The following CNOT1 variants were observed in gnomAD, a reference collection of about 807,000 sequenced individuals.
The protein encoded by CNOT1 is CCR4-associated factor 1.
In CNOT1, 15 loss-of-function variants were observed where a neutral mutation model predicts 273.8. The observed-to-expected ratio is 0.05, with a 90% CI of 0.04 to 0.08. CNOT1 has a LOEUF of 0.08. Ranked by LOEUF, CNOT1 falls within the 10% of genes least tolerant of loss-of-function variation. The pLI is 1.00. For synonymous variants in CNOT1, 1,022 were observed against 1,005.5 expected (o/e 1.02, Z -0.31); for missense variants, 1,644 against 2,912.2 (o/e 0.56, Z 10.02).
intron 16 of CNOT1, among the ~76,000 whole-genome samples, chr16:58,560,973 C>T (rs1056634067): frequency 3.3e-5 from 5 of 151,964 alleles, no homozygotes; most frequent in African/African-American, 9.7e-5. Context: ...TGCAGTGAGC[C>T]GAGATCGCGC....
intron 19 of CNOT1, 64 bp from the exon 20 acceptor site, chr16:58,555,972 C>A: frequency 6.3e-7 from 1 of 1,590,344 alleles, no homozygotes; most frequent in Non-Finnish European, 8.5e-7. Context: ...CCATAAAACA[C>A]AGCCAGCCAG....
chr16:58,608,553 C>CA (rs11397997), intron 1 of CNOT1, among the ~76,000 whole-genome samples: 94,707 of 129,630 alleles, frequency 0.73, 33,702 homozygotes, highest in Middle Eastern at 0.84. Flanking sequence ...GACTCTGTCT[C>CA]AAAAAAAAAA....
intron 16 of CNOT1, among the ~76,000 whole-genome samples, chr16:58,568,710 A>AG (rs968039333): frequency 6.6e-6 from 1 of 152,052 alleles, no homozygotes; most frequent in Non-Finnish European, 1.5e-5. Flanking sequence ...AAAAAAAAAA[A>AG]CTTTGGAAGT....
rs574545661 is a variant in CNOT1, at chr16:58,560,467, C to T, written c.1980-105G>A. 3 of 1,473,950 alleles carry T rather than the reference C, an allele frequency of 2.0e-6. No homozygotes were observed. In the African/African-American group the frequency reaches 4.3e-5, roughly 21 times the overall value. 91.3% of individuals were successfully genotyped at this position (1,473,950 alleles called of 1,614,324 possible). The stretch of plus-strand genomic sequence containing the variant: ...TTTTTTTTTAAGATGGAGTCTCACT[C>T]TGTCACCCAGACTGGAGTGCAGTAG... On this transcript the variant is annotated intron_variant, in intron 16 of 48. Coordinates refer to ENST00000317147, the MANE Select transcript of CNOT1 (RefSeq NM_016284.5).
Position 58,520,985 on chromosome 16 carries a change from T to C in CNOT1, c.7104A>G (p.Gln2368=). 1 of 1,614,032 alleles carries C rather than the reference T, an allele frequency of 6.2e-7. No individual in the cohort carries two copies. The highest frequency in any genetic ancestry group is 1.1e-5 in the South Asian group (1 of 91,086). Residue 2368 remains glutamine, a synonymous_variant, in exon 49 of 49, where the codon CAA becomes CAG. Transcript: ENST00000317147. ...AACTGGCACCTGTCCCTTCCATTAC[T>C]TGCTGGGCCTGCTTCTGTCCCATGC... ...QCCMGQKQAQ[Q]VMEGTGAS is the part of the protein sequence containing the mutation.
chr16:58,580,884 T>A, intron 11 of CNOT1, 124 bp from the exon 12 acceptor site: 1 of 974,130 alleles, frequency 1.0e-6, no homozygotes, highest in Non-Finnish European at 1.4e-6. Flanking sequence ...TTTAAAATCT[T>A]AATTATTTGC....
chr16:58,599,420 T>C lies in CNOT1; in HGVS notation c.-83A>G. 1 of 1,553,206 alleles carries C rather than the reference T, an allele frequency of 6.4e-7. No individual in the cohort carries two copies. The highest frequency in any genetic ancestry group is 8.8e-7 in the Non-Finnish European group (1 of 1,133,942). Reference sequence around the variant, plus strand: ...TTTAGTCACCTCAGAGGCAGGTTAATGCTTTCTTTGTAATTAGGCTATATC... The same window carrying C: ...TTTAGTCACCTCAGAGGCAGGTTAACGCTTTCTTTGTAATTAGGCTATATC... On this transcript the variant is annotated 5_prime_UTR_variant, in exon 2 of 49. Coordinates refer to ENST00000317147, the MANE Select transcript of CNOT1 (RefSeq NM_016284.5).
At chr16:58,628,569 A>G (rs1004835436) in intron 1 of CNOT1, among the ~76,000 whole-genome samples, 1 of 151,114 alleles carries the variant, frequency 6.6e-6, no homozygotes, top group African/African-American at 2.4e-5. Context: ...TGTTTCAAAC[A>G]GTATAATTAT....
At chr16:58,598,270 T>C (rs375304617) in intron 2 of CNOT1, among the ~76,000 whole-genome samples, 5 of 152,014 alleles carry the variant, frequency 3.3e-5, no homozygotes, top group Admixed American at 6.6e-5. Flanking sequence ...TGATGGTGTG[T>C]GCCTATAATC....
At chr16:58,591,809 G>C (rs1567430054) in intron 2 of CNOT1, among the ~76,000 whole-genome samples, 1 of 151,578 alleles carries the variant, frequency 6.6e-6, no homozygotes, top group Non-Finnish European at 1.5e-5. Flanking sequence ...TGGCACATAG[G>C]TTTGATACAC....
rs993976664 is a variant in CNOT1, at chr16:58,549,708, C to T, written c.3522+11G>A. ...GCAATAATTAAAGGAAATATAAGAA[C>T]CAACTCTTACTTTAATGTTTCTGTA... is the stretch of plus-strand genomic sequence containing the variant. On this transcript the variant is annotated intron_variant, in intron 25 of 48. Coordinates refer to ENST00000317147, the MANE Select transcript of CNOT1 (RefSeq NM_016284.5). 2 of 1,585,750 alleles carry T rather than the reference C, an allele frequency of 1.3e-6. No homozygotes were observed. Among genetic ancestry groups the T allele is most frequent in the Non-Finnish European group, 1.7e-6 (2 of 1,170,930 alleles).
At position 58,610,280 on chromosome 16, in the gene CNOT1, A is replaced by G. The variant is rs2042848482; in HGVS notation, c.-174-10769T>C. On this transcript the variant is annotated intron_variant, in intron 1 of 48. Coordinates refer to ENST00000317147, the MANE Select transcript of CNOT1 (RefSeq NM_016284.5). ...TAAAAATACAAAAAACTAGCCAGGC[A>G]TGGTGGTAGACACCTGTAATCCCAG... Among the ~76,000 whole-genome samples the G allele has an allele frequency of 5.9e-5, 9 of 152,320 alleles. No individual in the cohort carries two copies. The South Asian group carries it at 1.9e-3, about 32-fold the overall frequency.
chr16:58,524,625 T>C (rs1370930434), intron 46 of CNOT1, among the ~76,000 whole-genome samples: 2 of 152,108 alleles, frequency 1.3e-5, no homozygotes, highest in African/African-American at 4.8e-5. Context: ...AATATATGTA[T>C]GCAAAACTGG....
At chr16:58,626,798 G>A (rs1216312233) in intron 1 of CNOT1, among the ~76,000 whole-genome samples, 1 of 151,778 alleles carries the variant, frequency 6.6e-6, no homozygotes, top group Non-Finnish European at 1.5e-5. Flanking sequence ...GTTAATGTGG[G>A]ACAAAATACT....
chr16:58,555,972 C>G, intron 19 of CNOT1, 64 bp from the exon 20 acceptor site: 1 of 1,590,346 alleles, frequency 6.3e-7, no homozygotes, highest in Non-Finnish European at 8.5e-7. Flanking sequence ...CCATAAAACA[C>G]AGCCAGCCAG....
Position 58,543,234 on chromosome 16 carries a change from A to C in CNOT1, c.4434+373T>G, listed in dbSNP as rs28307. The C allele has an allele frequency of 0.26, 398,707 of 1,536,746 alleles. 54,071 individuals are homozygous for C. Among genetic ancestry groups the C allele is most frequent in the Admixed American group, 0.4 (20,293 of 50,364 alleles). ...AGTGAATTATTTGAAAAGTGTGTGC[A>C]CATGCAACATCACTTTAAGTCATTT... On this transcript the variant is annotated intron_variant, in intron 31 of 48. Transcript: ENST00000317147.
chr16:58,553,913 A>G, intron 21 of CNOT1, 53 bp from the exon 22 acceptor site: 1 of 1,542,468 alleles, frequency 6.5e-7, no homozygotes, highest in Non-Finnish European at 8.7e-7. Context: ...AAGCATCACT[A>G]ACAAAATGTT....
chr16:58,582,540 C>T (rs756175973), intron 10 of CNOT1, among the ~76,000 whole-genome samples: 1 of 152,110 alleles, frequency 6.6e-6, no homozygotes, highest in Non-Finnish European at 1.5e-5. Context: ...GTAGAAGTGG[C>T]AAGATAATTA....
At position 58,543,597 on chromosome 16, in the gene CNOT1, G is replaced by GCCATACCTATACCAAGGAAATA. The variant is rs747465273; in HGVS notation, c.4434+9_4434+10insTATTTCCTTGGTATAGGTATGG. The stretch of plus-strand genomic sequence containing the variant: ...GTTTTGTACCTATACCAAGGAAATA[G>GCCATACCTATACCAAGGAAATA]CCAACTTACACGAAGGGCTGAGGCA... On this transcript the variant is annotated intron_variant, in intron 31 of 48. Coordinates refer to ENST00000317147, the MANE Select transcript of CNOT1 (RefSeq NM_016284.5). The GCCATACCTATACCAAGGAAATA allele has an allele frequency of 1.2e-6, 2 of 1,614,012 alleles. No individual in the cohort carries two copies. Among genetic ancestry groups the GCCATACCTATACCAAGGAAATA allele is most frequent in the Non-Finnish European group, 1.7e-6 (2 of 1,180,022 alleles).
Sources: allele counts gnomAD v4.1 joint callset (sites outside exome capture counted in the v4.1 genomes callset), GRCh38; gene constraint gnomAD v4.1.1; transcripts MANE v1.5; gene names NCBI Gene and HGNC (gene_info 2026-07-23, HGNC 2026-07-21).